The following SLC16A2 variants were observed in gnomAD, a reference collection of about 807,000 sequenced individuals.
The protein encoded by SLC16A2 is monocarboxylate transporter 8.
A neutral mutation model predicts 27.2 loss-of-function variants in SLC16A2; 3 were observed. The observed-to-expected ratio is 0.11, with a 90% CI of 0.05 to 0.28. The LOEUF is 0.28. Among genes scored for constraint, SLC16A2 ranks in the 10% least tolerant of loss-of-function variants. The pLI, the probability that SLC16A2 is intolerant of heterozygous loss-of-function variation, is 1.00. For synonymous variants in SLC16A2, 202 were observed against 187.8 expected (o/e 1.08, Z -0.62); for missense variants, 295 against 458.5 (o/e 0.64, Z 3.26).
chrX:74,504,606 G>A (rs866669522), intron 1 of SLC16A2, among the ~76,000 whole-genome samples: 80 of 112,348 alleles, frequency 7.1e-4, no homozygotes, highest in African/African-American at 2.5e-3. Context: ...AATCCTCACA[G>A]AACAATCATT....
intron 1 of SLC16A2, among the ~76,000 whole-genome samples, chrX:74,458,788 A>G (rs959852356): frequency 3.1e-4 from 34 of 111,263 alleles, no homozygotes; most frequent in African/African-American, 1.1e-3. Flanking sequence ...CCCCACAACC[A>G]CCAGCCTTCA....
intron 1 of SLC16A2, among the ~76,000 whole-genome samples, chrX:74,491,717 T>C (rs1227226370): frequency 8.9e-6 from 1 of 112,706 alleles, no homozygotes; most frequent in East Asian, 2.8e-4. Flanking sequence ...ATGGCTTAAA[T>C]ACCAGAGACT....
intron 1 of SLC16A2, among the ~76,000 whole-genome samples, chrX:74,445,812 G>T (rs983939747): frequency 1.8e-5 from 2 of 109,021 alleles, no homozygotes; most frequent in Non-Finnish European, 3.8e-5. Context: ...GGCAAGAGGG[G>T]CCAAGTGGTT....
At chrX:74,485,085 T>C (rs1302012696) in intron 1 of SLC16A2, among the ~76,000 whole-genome samples, 1 of 109,669 alleles carries the variant, frequency 9.1e-6, no homozygotes, top group Non-Finnish European at 1.9e-5. Context: ...GCGTGGGGGC[T>C]CATGCCTGTA....
intron 1 of SLC16A2, among the ~76,000 whole-genome samples, chrX:74,429,301 C>G (rs1048818501): frequency 6.3e-5 from 7 of 111,074 alleles, no homozygotes; most frequent in South Asian, 3.9e-4. Context: ...TACCCCGTCT[C>G]TACAAAAAAA....
intron 1 of SLC16A2, among the ~76,000 whole-genome samples, chrX:74,494,892 C>T (rs1383700703): frequency 3.6e-5 from 4 of 111,347 alleles, no homozygotes; most frequent in Admixed American, 1.9e-4. Context: ...GCTCTACCTC[C>T]AGAAAGGTGA....
chrX:74,470,389 A>G (rs1929333378), intron 1 of SLC16A2, among the ~76,000 whole-genome samples: 1 of 112,049 alleles, frequency 8.9e-6, no homozygotes, highest in Non-Finnish European at 1.9e-5. Flanking sequence ...TTTTATAAGA[A>G]ACTGCCAGAC....
chrX:74,442,308 G>A (rs1393772378), intron 1 of SLC16A2, among the ~76,000 whole-genome samples: 1 of 109,937 alleles, frequency 9.1e-6, no homozygotes, highest in Non-Finnish European at 1.9e-5. Flanking sequence ...TCTCATTAGC[G>A]TTGGCCGAGG....
At chrX:74,524,330 G>A in intron 2 of SLC16A2, 29 bp from the exon 3 acceptor site, 1 of 1,204,347 alleles carries the variant, frequency 8.3e-7, no homozygotes. Flanking sequence ...TCAGGCTGCT[G>A]AGGACAGCTC....
chrX:74,518,870 G>T (rs906963711), intron 1 of SLC16A2, among the ~76,000 whole-genome samples: 1 of 111,685 alleles, frequency 9.0e-6, no homozygotes, highest in Non-Finnish European at 1.9e-5. Flanking sequence ...CAGATTTTGT[G>T]TGCTGCAAAA....
chrX:74,463,822 C>T (rs181276522), intron 1 of SLC16A2, among the ~76,000 whole-genome samples: 29 of 112,223 alleles, frequency 2.6e-4, no homozygotes, highest in Non-Finnish European at 4.5e-4. Flanking sequence ...CCACCGTGCC[C>T]GGCCTATTTG....
chrX:74,453,127 C>T (rs1477006486), intron 1 of SLC16A2, among the ~76,000 whole-genome samples: 19 of 108,141 alleles, frequency 1.8e-4, no homozygotes, highest in Admixed American at 3.0e-4. Context: ...GGCTCACTTC[C>T]GCCTCCTGGG....
intron 1 of SLC16A2, among the ~76,000 whole-genome samples, chrX:74,502,790 T>C (rs1358336721): frequency 1.8e-5 from 2 of 111,550 alleles, no homozygotes; most frequent in Non-Finnish European, 3.8e-5. Flanking sequence ...ACAATAGTAG[T>C]TGATCCAATC....
intron 1 of SLC16A2, among the ~76,000 whole-genome samples, chrX:74,452,393 G>A (rs1928959584): frequency 8.9e-6 from 1 of 111,786 alleles, no homozygotes; most frequent in Non-Finnish European, 1.9e-5. Context: ...AAGGGTGAAG[G>A]CCTAGAGCAT....
At chrX:74,511,924 C>T (rs745879314) in intron 1 of SLC16A2, among the ~76,000 whole-genome samples, 172 of 111,990 alleles carry the variant, frequency 1.5e-3, no homozygotes, top group Non-Finnish European at 2.8e-3. Context: ...TCTGGTGAGC[C>T]GCAGAGATAA....
intron 1 of SLC16A2, among the ~76,000 whole-genome samples, chrX:74,506,129 C>A (rs1052897342): frequency 9.0e-6 from 1 of 111,669 alleles, no homozygotes; most frequent in Admixed American, 9.5e-5. Flanking sequence ...ATTTCACACT[C>A]ACTCCTTCTG....
chrX:74,524,332 G>C (rs377054339), intron 2 of SLC16A2, 27 bp from the exon 3 acceptor site: 1 of 1,203,353 alleles, frequency 8.3e-7, no homozygotes, highest in Non-Finnish European at 1.1e-6. Context: ...AGGCTGCTGA[G>C]GACAGCTCTT....
intron 5 of SLC16A2, among the ~76,000 whole-genome samples, chrX:74,530,074 ATTTCT>A (rs1330446202): frequency 1.0e-5 from 1 of 97,627 alleles, no homozygotes; most frequent in Non-Finnish European, 2.1e-5. Context: ...GAGAACTCCA[ATTTCT>A]TTTCTTTTCT....
rs150767307 is a variant in SLC16A2 at position 74,454,205 on chromosome X, G to C, written c.430+32138G>C. The stretch of plus-strand genomic sequence containing the variant: ...GGATCGAGAACTAGAAATACCATTT[G>C]ACCCCACCATCCCATTACTGGGTAT... On this transcript the variant is annotated intron_variant, in intron 1 of 5. Transcript: ENST00000587091. Among the ~76,000 whole-genome samples, 90 of 111,487 alleles carry C rather than the reference G, an allele frequency of 8.1e-4. 1 individual carries two copies. In the East Asian group the frequency reaches 0.023, roughly 28 times the overall value.
Sources: gnomAD v4.1 joint callset for allele counts (sites outside exome capture counted in the v4.1 genomes callset) on GRCh38, gnomAD v4.1.1 for gene constraint, MANE v1.5 for transcripts, NCBI Gene and HGNC (gene_info 2026-07-23, HGNC 2026-07-21) for gene names.